GLG1: variants seen among roughly 807,000 people sequenced by gnomAD.
GLG1 encodes the protein golgi glycoprotein 1.
Under a neutral mutation model 160.5 loss-of-function variants are expected in GLG1, and 38 were observed. The observed-to-expected ratio is 0.24, with a 90% CI of 0.18 to 0.31. The LOEUF (loss-of-function observed/expected upper bound fraction) is 0.31. GLG1 is among the 10% of genes least tolerant of loss of function. The pLI is 1.00. For missense variants in GLG1, 1,373 were observed against 1,505.2 expected (o/e 0.91, Z 1.45); for synonymous variants, 644 against 543.4 (o/e 1.19, Z -2.57).
Position 74,491,066 on chromosome 16 carries a change from G to C in GLG1, c.1384C>G (p.Leu462Val), listed in dbSNP as rs1400176060. ...CGAACTACTTTCATCAGACAGTGTAGGGTCCGCCCTTTTCGATGTAATCCG... is the reference window on the plus strand; with the variant it reads ...CGAACTACTTTCATCAGACAGTGTACGGTCCGCCCTTTTCGATGTAATCCG... ...CSGLHRKGRT[L>V]HCLMKVVRGE... The change falls in exon 8 of 26, where the codon CTA becomes GTA. Residue 462 changes from leucine to valine, a missense_variant. By Grantham distance (32) the Leu-to-Val change is conservative. This residue lies in a region of GLG1 where 386 missense variants were observed against 388.5 expected (regional missense o/e 0.99). Coordinates refer to ENST00000422840, the MANE Select transcript of GLG1 (RefSeq NM_001145667.2). 1 of 1,614,026 alleles carries C rather than the reference G, an allele frequency of 6.2e-7. No individual in the cohort carries two copies. Among genetic ancestry groups the C allele is most frequent in the African/African-American group, 1.3e-5 (1 of 74,928 alleles).
chr16:74,592,057 A>C (rs1958197664), intron 1 of GLG1, among the ~76,000 whole-genome samples: 1 of 152,170 alleles, frequency 6.6e-6, no homozygotes, highest in African/African-American at 2.4e-5. Context: ...ACTGGTCTCA[A>C]ACCTCTGGCT....
intron 1 of GLG1, among the ~76,000 whole-genome samples, chr16:74,586,149 T>C (rs1323376209): frequency 6.6e-6 from 1 of 150,754 alleles, no homozygotes; most frequent in Non-Finnish European, 1.5e-5. Context: ...TAGAAAGAGC[T>C]GATAAGGAAA....
chr16:74,497,899 G>C (rs1433956255), intron 4 of GLG1, among the ~76,000 whole-genome samples: 1 of 152,082 alleles, frequency 6.6e-6, no homozygotes, highest in South Asian at 2.1e-4. Context: ...ATCTTAATGG[G>C]ATTTAACAAG....
chr16:74,472,500 T>G (rs2015242291), intron 13 of GLG1, 89 bp from the exon 14 acceptor site: 1 of 1,345,806 alleles, frequency 7.4e-7, no homozygotes. Context: ...CAGTAATATC[T>G]GATGGGCAAA....
intron 18 of GLG1, among the ~76,000 whole-genome samples, chr16:74,466,593 A>C (rs2143212567): frequency 6.6e-6 from 1 of 152,334 alleles, no homozygotes; most frequent in South Asian, 2.1e-4. Flanking sequence ...CAAGGAGTCA[A>C]AAACTGAGGG....
intron 1 of GLG1, among the ~76,000 whole-genome samples, chr16:74,596,775 C>A (rs552627023): frequency 3.9e-4 from 59 of 152,266 alleles, no homozygotes; most frequent in Admixed American, 2.0e-3. Context: ...CCACTACTTA[C>A]AAGCCCTGAG....
rs1440261062 is a variant in GLG1, at chr16:74,515,828, G to A, written c.472-6903C>T. ...CCTCTCACGTGCAGAGACACACATA[G>A]TCTCAAAATAAAGGGATGGAGGAAG... On this transcript the variant is annotated intron_variant, in intron 2 of 25. Coordinates refer to ENST00000422840, the MANE Select transcript of GLG1 (RefSeq NM_001145667.2). Among the ~76,000 whole-genome samples the A allele has an allele frequency of 2.6e-5, 4 of 151,556 alleles. 1 individual carries two copies. Among genetic ancestry groups the A allele is most frequent in the South Asian group, 4.2e-4 (2 of 4,816 alleles).
chr16:74,491,245 G>A (rs374844123), intron 7 of GLG1, 30 bp from the exon 8 acceptor site: 5 of 1,456,432 alleles, frequency 3.4e-6, no homozygotes, highest in South Asian at 2.3e-5. Context: ...ATAACATTAC[G>A]AAGGGTGATG....
chr16:74,590,968 T>C (rs541107048), intron 1 of GLG1, among the ~76,000 whole-genome samples: 2 of 150,966 alleles, frequency 1.3e-5, no homozygotes, highest in Non-Finnish European at 3.0e-5. Context: ...AAAATTAAAA[T>C]ATAAAAATAT....
At chr16:74,513,081 T>C (rs149603193) in intron 2 of GLG1, among the ~76,000 whole-genome samples, 2 of 152,284 alleles carry the variant, frequency 1.3e-5, no homozygotes, top group East Asian at 1.9e-4. Flanking sequence ...TCAGATCACA[T>C]TGAATACCGC....
At chr16:74,498,468 T>TATATATATATATATAGATATATATA (rs1491206560) in intron 4 of GLG1, among the ~76,000 whole-genome samples, 1 of 29,666 alleles carries the variant, frequency 3.4e-5, no homozygotes, top group African/African-American at 9.9e-5. Context: ...ATATATATAT[T>TATATATATATATATAGATATATATA]ATATTTTATA....
At chr16:74,505,214 C>G (rs553948451) in intron 3 of GLG1, among the ~76,000 whole-genome samples, 2 of 152,182 alleles carry the variant, frequency 1.3e-5, no homozygotes, top group African/African-American at 2.4e-5. Flanking sequence ...CTATAGGCAA[C>G]AGGTTGTCTT....
At position 74,462,112 on chromosome 16, in the gene GLG1, C is replaced by G; in HGVS notation, c.3018G>C (p.Gln1006His). Residue 1006 changes from glutamine to histidine, a missense_variant, in exon 22 of 26, where the codon CAG (glutamine) becomes CAC (histidine). Physicochemically the swap from Gln to His is conservative, Grantham distance 24. Coordinates refer to ENST00000422840, the MANE Select transcript of GLG1 (RefSeq NM_001145667.2). ...ALDYRLDPQL[Q>H]LHCSDEISSL... ...ATCCCACCTCGTCTGAGCAGTGCAG[C>G]TGGAGCTGAGGATCCAGGCGGTAGT... The G allele has an allele frequency of 1.3e-6, 2 of 1,594,020 alleles. No individual in the cohort carries two copies. The highest frequency in any genetic ancestry group is 8.6e-7 in the Non-Finnish European group (1 of 1,161,834).
intron 1 of GLG1, among the ~76,000 whole-genome samples, chr16:74,600,137 G>A (rs549339660): frequency 6.6e-6 from 1 of 152,166 alleles, no homozygotes; most frequent in South Asian, 2.1e-4. Context: ...ATTTCAGGTG[G>A]TATGTGTTGG....
At chr16:74,557,080 C>T (rs1188850366) in intron 1 of GLG1, among the ~76,000 whole-genome samples, 2 of 152,070 alleles carry the variant, frequency 1.3e-5, no homozygotes, top group African/African-American at 4.8e-5. Flanking sequence ...TGCATCTGAC[C>T]AGTTTCAACA....
At chr16:74,552,399 T>C (rs1597339869) in intron 1 of GLG1, 2 of 580,348 alleles carry the variant, frequency 3.4e-6, no homozygotes, top group East Asian at 4.1e-5. Context: ...ATGAAGGCCA[T>C]GCAGTCTCTC....
At chr16:74,570,367 T>C (rs1376070204) in intron 1 of GLG1, among the ~76,000 whole-genome samples, 3 of 152,134 alleles carry the variant, frequency 2.0e-5, no homozygotes, top group African/African-American at 4.8e-5. Context: ...CACATAATAA[T>C]TGTGAAGCAT....
At chr16:74,495,674 C>T (rs1335669234) in intron 5 of GLG1, among the ~76,000 whole-genome samples, 1 of 152,158 alleles carries the variant, frequency 6.6e-6, no homozygotes, top group African/African-American at 2.4e-5. Context: ...GCCAAAAACA[C>T]ATAAATATAT....
intron 18 of GLG1, among the ~76,000 whole-genome samples, chr16:74,467,536 G>A (rs1307809967): frequency 6.6e-6 from 1 of 152,144 alleles, no homozygotes; most frequent in Non-Finnish European, 1.5e-5. Flanking sequence ...CTGAAAGAGG[G>A]AAGAAAATGA....
Sources: allele counts gnomAD v4.1 joint callset (sites outside exome capture counted in the v4.1 genomes callset), GRCh38; gene constraint gnomAD v4.1.1; regional missense constraint gnomAD v4.1.1; transcripts MANE v1.5; gene names NCBI Gene and HGNC (gene_info 2026-07-23, HGNC 2026-07-21).